SCLY: variants seen among roughly 807,000 people sequenced by gnomAD.
SCLY encodes putative selenocysteine lyase.
SCLY carries 38 observed loss-of-function variants against 50.1 expected under a neutral mutation model. The ratio of observed to expected loss-of-function variants is 0.76; its 90% CI spans 0.59 to 0.99. The LOEUF (loss-of-function observed/expected upper bound fraction) is 0.99, where lower values mean the gene tolerates loss of function less well. SCLY is among the 50% of genes least tolerant of loss of function. SCLY has a pLI of 0.00. For synonymous variants in SCLY, 243 were observed against 249.4 expected (o/e 0.97, Z 0.24); for missense variants, 600 against 620.0 (o/e 0.97, Z 0.34).
chr2:238,098,873 T>G lies in SCLY; in HGVS notation c.*518T>G. On this transcript the variant is annotated 3_prime_UTR_variant, in exon 12 of 12. Transcript: ENST00000254663. ...TTGATCATGGCCTCTACATGCACCT[T>G]TCCAGAGTGGTCTCTTCTCAGGCCC... is the stretch of plus-strand genomic sequence containing the variant. 1 of 247,580 alleles carries G rather than the reference T, an allele frequency of 4.0e-6. No individual in the cohort carries two copies. The highest frequency in any genetic ancestry group is 7.6e-6 in the Non-Finnish European group (1 of 131,610). The allele number at this position is 247,580 out of a possible 1,614,324, so 15.3% of individuals were successfully genotyped here. A position where few individuals can be genotyped will look rare whatever the true frequency, so the allele number is the denominator to read the frequency against.
Position 238,067,487 on chromosome 2 carries a change from T to C in SCLY, c.203-578T>C, listed in dbSNP as rs1669940090. On this transcript the variant is annotated intron_variant, in intron 2 of 11. Transcript: ENST00000254663. This position sits in a 1 kb window ranked among gnomAD's most constrained non-coding sequence, Gnocchi z 4.3. The stretch of plus-strand genomic sequence containing the variant: ...CTTTCCTTCTTTGCCCCATCAAGCA[T>C]GGTTGCTGTGTTTTCCTTCTAGCCA... Among the ~76,000 whole-genome samples the C allele has an allele frequency of 6.6e-6, 1 of 152,208 alleles. No homozygotes were observed. Among genetic ancestry groups the C allele is most frequent in the Non-Finnish European group, 1.5e-5 (1 of 68,020 alleles).
chr2:238,091,537 G>T, intron 8 of SCLY: 766 of 357,722 alleles, frequency 2.1e-3, no homozygotes, highest in South Asian at 6.5e-3. Context: ...GAAGTGTCAA[G>T]CTGCAGGTTC....
chr2:238,076,046 C>CTT (rs34627467), intron 4 of SCLY, among the ~76,000 whole-genome samples: 2,459 of 132,686 alleles, frequency 0.019, 57 homozygotes, highest in African/African-American at 0.056. Context: ...TGATTTGTTC[C>CTT]TTTTTTTTTT....
At position 238,098,916 on chromosome 2, in the gene SCLY, A is replaced by C; in HGVS notation, c.*561A>C. 1 of 219,334 alleles carries C rather than the reference A, an allele frequency of 4.6e-6. No individual in the cohort carries two copies. Among genetic ancestry groups the C allele is most frequent in the Non-Finnish European group, 9.0e-6 (1 of 110,974 alleles). The allele number at this position is 219,334 out of a possible 1,614,324, so 13.6% of individuals were successfully genotyped here. A position where few individuals can be genotyped will look rare whatever the true frequency, so the allele number is the denominator to read the frequency against. On this transcript the variant is annotated 3_prime_UTR_variant, in exon 12 of 12. Coordinates refer to ENST00000254663, the MANE Select transcript of SCLY (RefSeq NM_016510.7). The stretch of plus-strand genomic sequence containing the variant: ...TCAGGCCCTTTTTAGTCCCTTTCCA[A>C]AGCTGCCCCCACCACCCTGCTCCTC...
At chr2:238,085,500 C>G (rs998272872) in intron 7 of SCLY, among the ~76,000 whole-genome samples, 12 of 151,134 alleles carry the variant, frequency 7.9e-5, no homozygotes, top group Admixed American at 3.3e-4. Flanking sequence ...GAGCGGATCA[C>G]AAGGTCAGGA....
chr2:238,087,462 T>C (rs1281769859), intron 7 of SCLY, among the ~76,000 whole-genome samples: 2 of 152,320 alleles, frequency 1.3e-5, no homozygotes, highest in African/African-American at 4.8e-5. Flanking sequence ...TGATATAAAA[T>C]AGATCATTTG....
intron 7 of SCLY, among the ~76,000 whole-genome samples, chr2:238,090,630 C>A (rs2065351879): frequency 6.6e-6 from 1 of 151,910 alleles, no homozygotes. Flanking sequence ...AACGAGACCC[C>A]ATCTAAAAAA....
rs1410134892 is a variant in SCLY at position 238,083,189 on chromosome 2, T to C, written c.778-59T>C. Reference sequence around the variant, plus strand: ...TGTGTGCCCCTAAGCACTTAGCATGTATACAGAGTAGGTCCTTGGAAAGTT... The same window carrying C: ...TGTGTGCCCCTAAGCACTTAGCATGCATACAGAGTAGGTCCTTGGAAAGTT... On this transcript the variant is annotated intron_variant, in intron 6 of 11. Transcript: ENST00000254663. This position sits in a 1 kb window ranked among gnomAD's most constrained non-coding sequence, Gnocchi z 4.3. The C allele has an allele frequency of 8.7e-7, 1 of 1,152,430 alleles. No homozygotes were observed. The highest frequency in any genetic ancestry group is 1.3e-6 in the Non-Finnish European group (1 of 759,238). 71.4% of individuals were successfully genotyped at this position (1,152,430 alleles called of 1,614,324 possible).
chr2:238,087,506 C>T (rs1289637664), intron 7 of SCLY, among the ~76,000 whole-genome samples: 1 of 152,166 alleles, frequency 6.6e-6, no homozygotes, highest in Non-Finnish European at 1.5e-5. Context: ...ATTGAACTTA[C>T]AGCTTTAAAA....
intron 4 of SCLY, chr2:238,079,073 T>TC (rs1389228880): frequency 1.5e-4 from 16 of 106,654 alleles, no homozygotes; most frequent in African/African-American, 5.3e-4. Flanking sequence ...TTTTTCTTTT[T>TC]TTTTTTTTTT....
At chr2:238,096,552 A>G (rs1165713040) in intron 10 of SCLY, among the ~76,000 whole-genome samples, 1 of 152,220 alleles carries the variant, frequency 6.6e-6, no homozygotes, top group African/African-American at 2.4e-5. Flanking sequence ...TTGATTACAA[A>G]TGCGATTTTC....
intron 4 of SCLY, chr2:238,080,982 A>G (rs181123090): frequency 6.6e-6 from 1 of 152,314 alleles, no homozygotes; most frequent in East Asian, 1.9e-4. Context: ...TATTTGAGAC[A>G]GTGTGTTACT....
chr2:238,093,944 A>G lies in SCLY; in HGVS notation c.1005A>G (p.Glu335=), dbSNP rs2106455609. Residue 335 remains glutamate (E), a splice_region_variant and synonymous_variant, in exon 9 of 12, where the codon GAA becomes GAG. Transcript: ENST00000254663. ...GCGACTACCTGGAAGAGAGGCTGGAAGTGAGCGCAGCGTGGGGTGGGCACC... is the reference window on the plus strand; with the variant it reads ...GCGACTACCTGGAAGAGAGGCTGGAGGTGAGCGCAGCGTGGGGTGGGCACC... ...DVRDYLEERL[E]AEFGQKRIHL... 6.2e-7 allele frequency: 1 copy of G among 1,612,806 alleles called. No homozygotes were observed. Among genetic ancestry groups the G allele is most frequent in the Non-Finnish European group, 8.5e-7 (1 of 1,179,536 alleles).
At chr2:238,064,266 G>A (rs2065047890) in intron 1 of SCLY, 91 bp from the exon 2 acceptor site, 10 of 695,958 alleles carry the variant, frequency 1.4e-5, no homozygotes, top group Non-Finnish European at 2.1e-5. Flanking sequence ...GACATTATTT[G>A]CTCCTGCCGA....
intron 2 of SCLY, 69 bp downstream of exon 2, chr2:238,064,538 C>A: frequency 1.0e-6 from 1 of 983,238 alleles, no homozygotes; most frequent in Non-Finnish European, 1.5e-6. Flanking sequence ...AGAGAAATTG[C>A]ACACCCACAC....
At chr2:238,087,712 C>T (rs1297155065) in intron 7 of SCLY, among the ~76,000 whole-genome samples, 1 of 151,898 alleles carries the variant, frequency 6.6e-6, no homozygotes, top group African/African-American at 2.4e-5. Flanking sequence ...AAAAAAAATC[C>T]TTTACAGACC....
At chr2:238,091,541 CA>C in intron 8 of SCLY, 43 of 411,436 alleles carry the variant, frequency 1.0e-4, no homozygotes, top group South Asian at 2.1e-4. Flanking sequence ...TGTCAAGCTG[CA>C]GGTTCACCAT....
chr2:238,093,203 A>G (rs1310880093), intron 8 of SCLY: 1 of 153,616 alleles, frequency 6.5e-6, no homozygotes, highest in Non-Finnish European at 1.4e-5. Flanking sequence ...ACCCTAGACC[A>G]AGGGTCTGGA....
intron 1 of SCLY, among the ~76,000 whole-genome samples, chr2:238,063,228 G>GT (rs2065034540): frequency 6.6e-6 from 1 of 150,648 alleles, no homozygotes; most frequent in Non-Finnish European, 1.5e-5. Context: ...GGTGGCTGCA[G>GT]TTTTGTGGGT....
Sources: allele counts gnomAD v4.1 joint callset (sites outside exome capture counted in the v4.1 genomes callset), GRCh38; gene constraint gnomAD v4.1.1; non-coding constraint Gnocchi (gnomAD v3.1); transcripts MANE v1.5; gene names NCBI Gene and HGNC (gene_info 2026-07-23, HGNC 2026-07-21).